The following CADM1 variants were observed in gnomAD, a reference collection of about 807,000 sequenced individuals.
The protein encoded by CADM1 is cell adhesion molecule 1.
CADM1 carries 15 observed loss-of-function variants against 53.1 expected under a neutral mutation model. The observed-to-expected ratio is 0.28, with a 90% CI of 0.19 to 0.44. The LOEUF (loss-of-function observed/expected upper bound fraction) is 0.44, where lower values mean the gene tolerates loss of function less well. Ranked by LOEUF, CADM1 falls within the 20% of genes least tolerant of loss-of-function variation. The pLI is 1.00. For synonymous variants in CADM1, 281 were observed against 243.0 expected, an observed-to-expected ratio of 1.16 and a Z score of -1.45; for missense variants, 434 against 611.3, an observed-to-expected ratio of 0.71 and a Z score of 3.06.
At chr11:115,303,069 C>T (rs1028251298) in intron 1 of CADM1, among the ~76,000 whole-genome samples, 26 of 152,066 alleles carry the variant, frequency 1.7e-4, no homozygotes, top group Non-Finnish European at 8.8e-5. Flanking sequence ...TGGATTCTAC[C>T]TCATCCCCCA....
At chr11:115,432,580 T>C (rs1948084076) in intron 1 of CADM1, among the ~76,000 whole-genome samples, 1 of 152,170 alleles carries the variant, frequency 6.6e-6, no homozygotes, top group African/African-American at 2.4e-5. Context: ...TTTTTTAAAA[T>C]ATAAAAGTAG....
At chr11:115,368,165 T>G (rs1946219399) in intron 1 of CADM1, among the ~76,000 whole-genome samples, 1 of 143,520 alleles carries the variant, frequency 7.0e-6, no homozygotes, top group Non-Finnish European at 1.5e-5. Flanking sequence ...TGGTCTTCCC[T>G]TCCAGATTGT....
chr11:115,316,041 A>G (rs1944659219), intron 1 of CADM1, among the ~76,000 whole-genome samples: 1 of 152,174 alleles, frequency 6.6e-6, no homozygotes, highest in African/African-American at 2.4e-5. Context: ...CCAGAGAGTC[A>G]TATCCCACCA....
chr11:115,417,839 CG>C (rs1684437414), intron 1 of CADM1, among the ~76,000 whole-genome samples: 1 of 152,146 alleles, frequency 6.6e-6, no homozygotes, highest in Non-Finnish European at 1.5e-5. Context: ...CATGGGCAAG[CG>C]GGGGCTACTG....
chr11:115,457,875 G>A (rs559625943), intron 1 of CADM1, among the ~76,000 whole-genome samples: 2 of 152,198 alleles, frequency 1.3e-5, no homozygotes, highest in African/African-American at 4.8e-5. Context: ...TATAAAAACT[G>A]CAAAGCCCAA....
intron 1 of CADM1, among the ~76,000 whole-genome samples, chr11:115,405,706 A>G (rs1048876277): frequency 1.3e-5 from 2 of 152,230 alleles, no homozygotes; most frequent in African/African-American, 4.8e-5. Context: ...GAAGGTAAAA[A>G]GCAAATTTCA....
At chr11:115,323,155 G>A (rs916357930) in intron 1 of CADM1, among the ~76,000 whole-genome samples, 2 of 152,076 alleles carry the variant, frequency 1.3e-5, no homozygotes, top group Non-Finnish European at 2.9e-5. Context: ...GTACTTCACT[G>A]TGGTTTTGAT....
intron 1 of CADM1, among the ~76,000 whole-genome samples, chr11:115,430,737 T>C (rs1194944220): frequency 6.6e-6 from 1 of 152,200 alleles, no homozygotes; most frequent in Admixed American, 6.5e-5. Context: ...GATTTGGTCA[T>C]TTCATTCAAT....
At chr11:115,476,972 A>T (rs1162577683) in intron 1 of CADM1, among the ~76,000 whole-genome samples, 2 of 152,282 alleles carry the variant, frequency 1.3e-5, no homozygotes, top group Middle Eastern at 3.4e-3. Flanking sequence ...CAAATGGTAA[A>T]TCTTAAAATA....
intron 5 of CADM1, 66 bp downstream of exon 5, chr11:115,229,047 G>C: frequency 6.9e-7 from 1 of 1,459,196 alleles, no homozygotes; most frequent in Non-Finnish European, 9.6e-7. Context: ...TTGAATAAAT[G>C]GCTTCTGAAG....
At chr11:115,413,434 T>C (rs778272615) in intron 1 of CADM1, among the ~76,000 whole-genome samples, 4 of 152,192 alleles carry the variant, frequency 2.6e-5, no homozygotes, top group Admixed American at 6.5e-5. Flanking sequence ...CTAACATTTA[T>C]TGAGTGCTTA....
intron 1 of CADM1, among the ~76,000 whole-genome samples, chr11:115,303,271 C>A (rs1372495794): frequency 6.6e-6 from 1 of 151,968 alleles, no homozygotes; most frequent in Non-Finnish European, 1.5e-5. Flanking sequence ...TACCAGATTC[C>A]AGTATGCATG....
chr11:115,259,234 C>T (rs1328112873), intron 1 of CADM1, among the ~76,000 whole-genome samples: 3 of 151,374 alleles, frequency 2.0e-5, no homozygotes, highest in African/African-American at 4.9e-5. Context: ...GATCTGCCCA[C>T]CTCAGGCTCC....
intron 1 of CADM1, among the ~76,000 whole-genome samples, chr11:115,243,039 A>G (rs1942294497): frequency 6.6e-6 from 1 of 152,248 alleles, no homozygotes; most frequent in Admixed American, 6.5e-5. Flanking sequence ...TCTTTTAAGC[A>G]ATGACAACAA....
intron 1 of CADM1, among the ~76,000 whole-genome samples, chr11:115,313,948 T>C (rs957355314): frequency 6.6e-6 from 1 of 151,988 alleles, no homozygotes; most frequent in African/African-American, 2.4e-5. Flanking sequence ...GGTAAGAAAA[T>C]TTCCAAACAT....
At chr11:115,447,340 A>T (rs1948472826) in intron 1 of CADM1, among the ~76,000 whole-genome samples, 1 of 152,168 alleles carries the variant, frequency 6.6e-6, no homozygotes, top group Admixed American at 6.5e-5. Flanking sequence ...GCTTAAAGAA[A>T]TCTTTTCACC....
At chr11:115,317,504 T>C (rs1944699915) in intron 1 of CADM1, among the ~76,000 whole-genome samples, 1 of 152,224 alleles carries the variant, frequency 6.6e-6, no homozygotes, top group Admixed American at 6.5e-5. Flanking sequence ...TAATTGTTCA[T>C]ACTGAAGAAA....
intron 1 of CADM1, among the ~76,000 whole-genome samples, chr11:115,354,537 C>A (rs1349982720): frequency 6.6e-6 from 1 of 152,140 alleles, no homozygotes; most frequent in Non-Finnish European, 1.5e-5. Flanking sequence ...ACTAGGACAG[C>A]CAACAACTGC....
intron 3 of CADM1, among the ~76,000 whole-genome samples, chr11:115,232,624 A>G (rs1031129438): frequency 3.9e-5 from 6 of 152,368 alleles, no homozygotes; most frequent in African/African-American, 1.4e-4. Flanking sequence ...CTGACTATCA[A>G]ATCAAGAGTA....
Sources: gnomAD v4.1 joint callset for allele counts (sites outside exome capture counted in the v4.1 genomes callset) on GRCh38, gnomAD v4.1.1 for gene constraint, MANE v1.5 for transcripts, NCBI Gene and HGNC (gene_info 2026-07-23, HGNC 2026-07-21) for gene names.